The following GRIN2B variants were observed in gnomAD, a reference collection of about 807,000 sequenced individuals.
The protein encoded by GRIN2B is glutamate receptor ionotropic, NMDA 2B.
A neutral mutation model predicts 114.5 loss-of-function variants in GRIN2B; 5 were observed. That is an observed-to-expected ratio of 0.04 (90% confidence interval 0.02 to 0.09). GRIN2B has a LOEUF of 0.09. Ranked by LOEUF, GRIN2B falls within the 10% of genes least tolerant of loss-of-function variation. The pLI is 1.00. For missense variants in GRIN2B, 1,108 were observed against 1,943.5 expected (o/e 0.57, Z 8.08); for synonymous variants, 787 against 745.1 (o/e 1.06, Z -0.92).
In GRIN2B at chr12:13,556,926, T is replaced by C. The variant is rs1310340718; in HGVS notation, c.*5857A>G. Reference sequence around the variant, plus strand: ...CAGTACTGCTATTCTAACCCATTACTCTGAACAAAATTCTTTTTTCTTGCT... The same window carrying C: ...CAGTACTGCTATTCTAACCCATTACCCTGAACAAAATTCTTTTTTCTTGCT... On this transcript the variant is annotated 3_prime_UTR_variant, in exon 14 of 14. Transcript: ENST00000609686. 1 of 152,234 alleles carries C rather than the reference T, an allele frequency of 6.6e-6. No homozygotes were observed. Among genetic ancestry groups the C allele is most frequent in the East Asian group, 1.9e-4 (1 of 5,204 alleles). 9.4% of individuals were successfully genotyped at this position (152,234 alleles called of 1,614,324 possible).
intron 3 of GRIN2B, among the ~76,000 whole-genome samples, chr12:13,806,342 C>T (rs116845780): frequency 0.013 from 1,938 of 152,218 alleles, 16 homozygotes; most frequent in Non-Finnish European, 0.017. Flanking sequence ...TTCTCACCCA[C>T]GGTGTGCAAG....
At position 13,961,092 on chromosome 12, in the gene GRIN2B, T is replaced by C. The variant is rs1180145850; in HGVS notation, c.-19+18836A>G. Among the ~76,000 whole-genome samples the C allele has an allele frequency of 2.6e-5, 4 of 151,982 alleles. No individual in the cohort carries two copies. The East Asian group carries it at 5.8e-4, about 22-fold the overall frequency. ...GAAAGGATTCTGACGACTTTTTTTTTTTTTATCTGCCCTTAGTAGTGTGAG... is the reference window on the plus strand; with the variant it reads ...GAAAGGATTCTGACGACTTTTTTTTCTTTTATCTGCCCTTAGTAGTGTGAG... On this transcript the variant is annotated intron_variant, in intron 2 of 13. Coordinates refer to ENST00000609686, the MANE Select transcript of GRIN2B (RefSeq NM_000834.5).
chr12:13,915,029 T>C (rs1448982066), intron 2 of GRIN2B, among the ~76,000 whole-genome samples: 1 of 152,166 alleles, frequency 6.6e-6, no homozygotes, highest in African/African-American at 2.4e-5. Context: ...CTATTGTATA[T>C]TTTCAAATAA....
intron 3 of GRIN2B, among the ~76,000 whole-genome samples, chr12:13,839,937 T>C (rs918844085): frequency 6.6e-6 from 1 of 152,192 alleles, no homozygotes; most frequent in African/African-American, 2.4e-5. Context: ...CATATGCATG[T>C]ATATTTATCC....
At chr12:13,624,154 G>A (rs566253220) in intron 5 of GRIN2B, among the ~76,000 whole-genome samples, 1 of 152,282 alleles carries the variant, frequency 6.6e-6, no homozygotes, top group African/African-American at 2.4e-5. Flanking sequence ...ATATTAAAAT[G>A]TTAGCTGTAT....
intron 9 of GRIN2B, among the ~76,000 whole-genome samples, chr12:13,609,151 C>T (rs1366795940): frequency 1.3e-5 from 2 of 152,154 alleles, no homozygotes; most frequent in Non-Finnish European, 2.9e-5. Flanking sequence ...CTCAAGATTA[C>T]ATCAAAACTG....
intron 4 of GRIN2B, among the ~76,000 whole-genome samples, chr12:13,711,565 A>C (rs1383032562): frequency 6.6e-6 from 1 of 152,098 alleles, no homozygotes; most frequent in African/African-American, 2.4e-5. Flanking sequence ...AAAAGTGGGC[A>C]AAGGATATGA....
chr12:13,782,275 C>T (rs1864129677), intron 3 of GRIN2B, among the ~76,000 whole-genome samples: 2 of 152,030 alleles, frequency 1.3e-5, no homozygotes, highest in African/African-American at 4.8e-5. Flanking sequence ...AAGGTGGCCA[C>T]TCAGAATACA....
At chr12:13,693,225 G>A (rs1950230293) in intron 4 of GRIN2B, among the ~76,000 whole-genome samples, 1 of 152,064 alleles carries the variant, frequency 6.6e-6, no homozygotes, top group Admixed American at 6.6e-5. Flanking sequence ...TGGTCAAATT[G>A]GTTTCATTCT....
intron 9 of GRIN2B, chr12:13,610,158 T>C (rs1385238834): frequency 6.6e-6 from 1 of 152,206 alleles, no homozygotes; most frequent in East Asian, 1.9e-4. Flanking sequence ...TGCACACACA[T>C]CTGTGCGTGT....
intron 3 of GRIN2B, among the ~76,000 whole-genome samples, chr12:13,815,102 T>C (rs1334050057): frequency 6.6e-6 from 1 of 152,254 alleles, no homozygotes; most frequent in Non-Finnish European, 1.5e-5. Context: ...TTATATAATG[T>C]ATCATAGGCT....
intron 4 of GRIN2B, among the ~76,000 whole-genome samples, chr12:13,743,805 CATT>C (rs1019980370): frequency 9.2e-5 from 14 of 152,178 alleles, no homozygotes; most frequent in African/African-American, 3.4e-4. Flanking sequence ...TAATCATCAT[CATT>C]ATTAGCCATG....
chr12:13,826,122 G>A (rs1865031224), intron 3 of GRIN2B, among the ~76,000 whole-genome samples: 1 of 151,360 alleles, frequency 6.6e-6, no homozygotes, highest in African/African-American at 2.4e-5. Context: ...TGTTTTGATG[G>A]TTTCTCTAGG....
chr12:13,723,466 T>C (rs2136595637), intron 4 of GRIN2B, among the ~76,000 whole-genome samples: 1 of 147,566 alleles, frequency 6.8e-6, no homozygotes. Flanking sequence ...TAAGCCCTGC[T>C]CCCTAGAATT....
At chr12:13,913,567 A>C (rs1379029016) in intron 2 of GRIN2B, among the ~76,000 whole-genome samples, 1 of 152,198 alleles carries the variant, frequency 6.6e-6, no homozygotes, top group Admixed American at 6.5e-5. Context: ...GAATAGTTAC[A>C]AACTGTCTGC....
At chr12:13,800,081 G>A (rs1222590643) in intron 3 of GRIN2B, among the ~76,000 whole-genome samples, 5 of 152,216 alleles carry the variant, frequency 3.3e-5, no homozygotes, top group Admixed American at 6.5e-5. Context: ...AAACCCAACC[G>A]ATGTGTGCCA....
chr12:13,913,871 T>C lies in GRIN2B; in HGVS notation c.-18-47645A>G, dbSNP rs572604090. On this transcript the variant is annotated intron_variant, in intron 2 of 13. Transcript: ENST00000609686. ...AACCTCAGTTTCCTCATCTATAAAATAGACGTAACAGTAGTATCTACCTCA... is the reference window on the plus strand; with the variant it reads ...AACCTCAGTTTCCTCATCTATAAAACAGACGTAACAGTAGTATCTACCTCA... Among the ~76,000 whole-genome samples, 19 of 152,296 alleles carry C rather than the reference T, an allele frequency of 1.2e-4. 1 individual carries two copies. The highest frequency in any genetic ancestry group is 4.6e-4 in the African/African-American group (19 of 41,568).
chr12:13,717,836 C>A (rs768284866), intron 4 of GRIN2B, among the ~76,000 whole-genome samples: 2 of 151,950 alleles, frequency 1.3e-5, no homozygotes, highest in Non-Finnish European at 2.9e-5. Flanking sequence ...ATCACAGTAT[C>A]TTTTTCTGTT....
chr12:13,569,752 G>A, intron 12 of GRIN2B, 78 bp downstream of exon 12: 1 of 903,810 alleles, frequency 1.1e-6, no homozygotes, highest in Non-Finnish European at 1.7e-6. Flanking sequence ...TTAAAGAAAT[G>A]GAAGAAAAGG....
Sources: allele counts gnomAD v4.1 joint callset (sites outside exome capture counted in the v4.1 genomes callset), GRCh38; gene constraint gnomAD v4.1.1; transcripts MANE v1.5; gene names NCBI Gene and HGNC (gene_info 2026-07-23, HGNC 2026-07-21).